CFAP210: variants seen among roughly 807,000 people sequenced by gnomAD.
CFAP210 encodes the protein cilia- and flagella- associated protein 210.
chr2:169,652,941 A>G, the CFAP210 span, among the ~76,000 whole-genome samples: 1 of 130,526 alleles, frequency 7.7e-6, no homozygotes, highest in South Asian at 2.8e-4. Flanking sequence ...TGGAGCTTGC[A>G]GTAAGCCGAG....
the CFAP210 span, chr2:169,650,346 C>G: frequency 3.8e-6 from 6 of 1,593,126 alleles, no homozygotes; most frequent in Admixed American, 7.3e-5. Flanking sequence ...GCTCGATATT[C>G]TGCAATTGTT....
chr2:169,653,088 ATG>A, the CFAP210 span, among the ~76,000 whole-genome samples: 1 of 126,432 alleles, frequency 7.9e-6, no homozygotes, highest in Non-Finnish European at 1.6e-5. Context: ...ATATATATGT[ATG>A]TATATATATA....
the CFAP210 span, among the ~76,000 whole-genome samples, chr2:169,664,927 A>C: frequency 6.6e-6 from 1 of 152,256 alleles, no homozygotes; most frequent in Non-Finnish European, 1.5e-5. Context: ...AAGAAAGACC[A>C]CTACCCAAAA....
the CFAP210 span, chr2:169,680,957 A>G: frequency 6.8e-7 from 1 of 1,471,466 alleles, no homozygotes; most frequent in Non-Finnish European, 9.4e-7. Context: ...GTACTAAGAA[A>G]CAAGAGTAAG....
At chr2:169,683,255 C>T in the CFAP210 span, among the ~76,000 whole-genome samples, 1 of 152,124 alleles carries the variant, frequency 6.6e-6, no homozygotes, top group South Asian at 2.1e-4. Context: ...CAAAGAGTAT[C>T]ATCATGACTC....
At chr2:169,646,884 G>T in the CFAP210 span, among the ~76,000 whole-genome samples, 2 of 151,830 alleles carry the variant, frequency 1.3e-5, no homozygotes, top group African/African-American at 2.4e-5. Flanking sequence ...ATTCTCTGTG[G>T]CATTTTAAGA....
the CFAP210 span, chr2:169,662,240 G>C: frequency 1.7e-5 from 27 of 1,580,350 alleles, no homozygotes; most frequent in Non-Finnish European, 2.3e-5. Flanking sequence ...TTGGGCATTT[G>C]ACTTTGAACC....
the CFAP210 span, chr2:169,649,467 G>T: frequency 1.2e-6 from 1 of 834,216 alleles, no homozygotes; most frequent in South Asian, 1.8e-5. Context: ...TGCAGGAGCA[G>T]AAAAGTGCAT....
the CFAP210 span, among the ~76,000 whole-genome samples, chr2:169,653,808 T>C: frequency 1.2e-3 from 178 of 152,268 alleles, 1 homozygote; most frequent in Non-Finnish European, 2.3e-3. Flanking sequence ...GGTGAGCTCA[T>C]CTGTATCGAC....
the CFAP210 span, chr2:169,649,434 A>G: frequency 8.1e-7 from 1 of 1,227,146 alleles, no homozygotes; most frequent in African/African-American, 1.5e-5. Flanking sequence ...GAGTTGAAGC[A>G]GAGGAGAGTC....
chr2:169,650,506 T>C, the CFAP210 span: 1 of 1,573,940 alleles, frequency 6.4e-7, no homozygotes, highest in Non-Finnish European at 8.6e-7. Flanking sequence ...TTCTTTCTCT[T>C]CGTTTCTCCA....
At chr2:169,655,912 C>T in the CFAP210 span, among the ~76,000 whole-genome samples, 1 of 152,110 alleles carries the variant, frequency 6.6e-6, no homozygotes, top group Non-Finnish European at 1.5e-5. Flanking sequence ...ACGGCAGAAA[C>T]AATTAGTTGC....
the CFAP210 span, among the ~76,000 whole-genome samples, chr2:169,681,921 G>T: frequency 1.3e-5 from 2 of 152,178 alleles, no homozygotes; most frequent in Non-Finnish European, 2.9e-5. Flanking sequence ...AACCAGCCTT[G>T]AATGAAGTTA....
At chr2:169,663,962 G>T in the CFAP210 span, among the ~76,000 whole-genome samples, 4 of 151,592 alleles carry the variant, frequency 2.6e-5, no homozygotes, top group African/African-American at 9.7e-5. Context: ...GCCAAGGCGG[G>T]CGGATCACCT....
the CFAP210 span, among the ~76,000 whole-genome samples, chr2:169,672,504 A>T: frequency 1.3e-5 from 2 of 152,234 alleles, no homozygotes; most frequent in Non-Finnish European, 2.9e-5. Context: ...GGAAGCTCAC[A>T]GTGCAGCCTT....
At chr2:169,664,743 G>A in the CFAP210 span, among the ~76,000 whole-genome samples, 1 of 152,200 alleles carries the variant, frequency 6.6e-6, no homozygotes. Context: ...CTCAAACAAT[G>A]CATTGGGAAG....
the CFAP210 span, chr2:169,660,993 A>C: frequency 0.15 from 73,172 of 481,864 alleles, 6,132 homozygotes; most frequent in South Asian, 0.24. Context: ...TCCTGAGTTC[A>C]TCAAACCAGA....
chr2:169,662,534 G>T, the CFAP210 span: 1 of 1,054,462 alleles, frequency 9.5e-7, no homozygotes, highest in Non-Finnish European at 1.3e-6. Flanking sequence ...AGTTGAAGCT[G>T]CAAGGAAAAA....
At chr2:169,689,745 G>A in the CFAP210 span, among the ~76,000 whole-genome samples, 1 of 152,000 alleles carries the variant, frequency 6.6e-6, no homozygotes, top group Non-Finnish European at 1.5e-5. Flanking sequence ...CTTTTCATAG[G>A]TCTCCTTCAT....
Sources: gnomAD v4.1 joint callset for allele counts (sites outside exome capture counted in the v4.1 genomes callset) on GRCh38, gnomAD v4.1.1 for gene constraint, MANE v1.5 for transcripts, NCBI Gene and HGNC (gene_info 2026-07-23, HGNC 2026-07-21) for gene names.